Variants in CSTPP1 observed in about 807,000 individuals in gnomAD.
The protein encoded by CSTPP1 is UPF0705 protein C11orf49.
At chr11:46,950,275 G>A in the CSTPP1 span, among the ~76,000 whole-genome samples, 3 of 149,846 alleles carry the variant, frequency 2.0e-5, no homozygotes, top group Non-Finnish European at 4.4e-5. Context: ...CCAGGTTCAC[G>A]CCATTCTCCT....
the CSTPP1 span, among the ~76,000 whole-genome samples, chr11:47,144,801 TGAGCATGCATCA>T: frequency 6.6e-6 from 1 of 151,994 alleles, no homozygotes; most frequent in Non-Finnish European, 1.5e-5. Flanking sequence ...TTCTCAAACT[TGAGCATGCATCA>T]GAGTCACCTG....
At chr11:47,023,463 A>G in the CSTPP1 span, 1 of 152,422 alleles carries the variant, frequency 6.6e-6, no homozygotes, top group South Asian at 2.1e-4. Flanking sequence ...AAAATTGACT[A>G]TTTTAACTAT....
the CSTPP1 span, among the ~76,000 whole-genome samples, chr11:47,152,309 C>T: frequency 2.6e-5 from 4 of 152,102 alleles, no homozygotes; most frequent in African/African-American, 9.7e-5. Flanking sequence ...CCTGCTCTGA[C>T]GGACACTCCT....
the CSTPP1 span, chr11:46,987,987 A>G: frequency 6.6e-6 from 1 of 152,258 alleles, no homozygotes; most frequent in South Asian, 2.1e-4. Context: ...ATCATCAGAG[A>G]AATGCAAATC....
the CSTPP1 span, among the ~76,000 whole-genome samples, chr11:47,024,578 TAGAG>T: frequency 2.0e-5 from 3 of 152,212 alleles, no homozygotes; most frequent in East Asian, 1.9e-4. Context: ...AGTAGAGAAT[TAGAG>T]AGAGAGTGCT....
the CSTPP1 span, among the ~76,000 whole-genome samples, chr11:47,002,574 C>T: frequency 1.6e-4 from 25 of 152,202 alleles, no homozygotes; most frequent in African/African-American, 6.0e-4. Context: ...TCAAAGGTTA[C>T]AGAAGTAATA....
the CSTPP1 span, among the ~76,000 whole-genome samples, chr11:46,985,462 A>C: frequency 2.6e-5 from 4 of 152,278 alleles, no homozygotes; most frequent in Admixed American, 6.5e-5. Context: ...TTTTGGAAGG[A>C]TATTCATCAC....
the CSTPP1 span, chr11:47,053,049 A>G: frequency 2.6e-5 from 4 of 153,378 alleles, no homozygotes; most frequent in Admixed American, 1.3e-4. Flanking sequence ...GGATGGGGAT[A>G]CTGTTGTTAG....
the CSTPP1 span, among the ~76,000 whole-genome samples, chr11:47,032,005 C>A: frequency 6.6e-6 from 1 of 152,044 alleles, no homozygotes; most frequent in African/African-American, 2.4e-5. Flanking sequence ...TTTCTGCCTG[C>A]ATTTTATTCT....
At chr11:46,950,824 CTGGTCTGTTGGTCAGGG>C in the CSTPP1 span, among the ~76,000 whole-genome samples, 2 of 151,962 alleles carry the variant, frequency 1.3e-5, no homozygotes, top group Non-Finnish European at 2.9e-5. Context: ...ATTGGCCAGG[CTGGTCTGTTGGTCAGGG>C]TGGTCTTGAA....
chr11:47,140,934 A>G, the CSTPP1 span, among the ~76,000 whole-genome samples: 1 of 152,002 alleles, frequency 6.6e-6, no homozygotes, highest in Non-Finnish European at 1.5e-5. Flanking sequence ...CCCCATCTCT[A>G]CTAAAAATAC....
the CSTPP1 span, among the ~76,000 whole-genome samples, chr11:47,085,056 T>C: frequency 6.6e-6 from 1 of 151,910 alleles, no homozygotes; most frequent in Non-Finnish European, 1.5e-5. Context: ...AAAAAAAAAT[T>C]AGCTGGGCGT....
At chr11:47,051,159 C>T in the CSTPP1 span, among the ~76,000 whole-genome samples, 1 of 152,052 alleles carries the variant, frequency 6.6e-6, no homozygotes, top group Non-Finnish European at 1.5e-5. Flanking sequence ...GAATTACCAT[C>T]GTTCCCCCCA....
At chr11:47,134,307 C>T in the CSTPP1 span, among the ~76,000 whole-genome samples, 4 of 152,106 alleles carry the variant, frequency 2.6e-5, no homozygotes, top group Non-Finnish European at 5.9e-5. Flanking sequence ...AAGAGATTCT[C>T]CTGCCCCCCA....
chr11:46,987,126 C>A, the CSTPP1 span: 2 of 1,365,236 alleles, frequency 1.5e-6, no homozygotes, highest in South Asian at 1.2e-5. Flanking sequence ...TTGCCTTACA[C>A]ATGACCTCCT....
At chr11:47,031,141 C>G in the CSTPP1 span, among the ~76,000 whole-genome samples, 2 of 151,974 alleles carry the variant, frequency 1.3e-5, no homozygotes, top group African/African-American at 4.8e-5. Context: ...AGTTAATAGC[C>G]AAAATTAAGA....
the CSTPP1 span, among the ~76,000 whole-genome samples, chr11:47,008,996 A>G: frequency 6.6e-6 from 1 of 151,320 alleles, no homozygotes; most frequent in African/African-American, 2.4e-5. Context: ...ACACCACTGC[A>G]CTCCAGCCTG....
the CSTPP1 span, among the ~76,000 whole-genome samples, chr11:46,958,452 A>G: frequency 5.3e-5 from 8 of 151,088 alleles, no homozygotes; most frequent in Admixed American, 5.3e-4. Flanking sequence ...GTTTTGGGGG[A>G]GTCCAAAGTT....
chr11:47,151,802 C>T, the CSTPP1 span, among the ~76,000 whole-genome samples: 4 of 151,660 alleles, frequency 2.6e-5, no homozygotes, highest in African/African-American at 7.3e-5. Context: ...AGAAAGCCCT[C>T]GCCTCTGTCT....
Sources: allele counts gnomAD v4.1 joint callset (sites outside exome capture counted in the v4.1 genomes callset), GRCh38; gene constraint gnomAD v4.1.1; transcripts MANE v1.5; gene names NCBI Gene and HGNC (gene_info 2026-07-23, HGNC 2026-07-21).